The following ATXN7L1 variants were observed in gnomAD, a reference collection of about 807,000 sequenced individuals.
ATXN7L1 encodes the protein ataxin-7-like protein 1.
ATXN7L1 carries 15 observed loss-of-function variants against 70.8 expected under a neutral mutation model. The ratio of observed to expected loss-of-function variants is 0.21; its 90% CI spans 0.14 to 0.33. The LOEUF is 0.33. Among genes scored for constraint, ATXN7L1 ranks in the 10% least tolerant of loss-of-function variants. The pLI, the probability that ATXN7L1 is intolerant of heterozygous loss-of-function variation, is 1.00. For missense variants in ATXN7L1, 975 were observed against 1,097.1 expected (o/e 0.89, Z 1.57); for synonymous variants, 440 against 445.1 (o/e 0.99, Z 0.14).
chr7:105,784,891 T>TG (rs1271757674), intron 3 of ATXN7L1, among the ~76,000 whole-genome samples: 1 of 152,078 alleles, frequency 6.6e-6, no homozygotes, highest in Non-Finnish European at 1.5e-5. Context: ...CCCTGGCAGG[T>TG]GGGGGGTGAA....
At chr7:105,715,916 C>T (rs1563031017) in intron 3 of ATXN7L1, among the ~76,000 whole-genome samples, 1 of 152,146 alleles carries the variant, frequency 6.6e-6, no homozygotes, top group Non-Finnish European at 1.5e-5. Flanking sequence ...TTCACATTTG[C>T]TGTGACTGGA....
intron 3 of ATXN7L1, among the ~76,000 whole-genome samples, chr7:105,724,720 G>C (rs946877331): frequency 6.6e-6 from 1 of 151,892 alleles, no homozygotes; most frequent in Non-Finnish European, 1.5e-5. Context: ...GATCTTCACT[G>C]TTCTTGGGAT....
At chr7:105,729,293 GAATGAATGAATAAATA>G (rs1364808622) in intron 3 of ATXN7L1, among the ~76,000 whole-genome samples, 1 of 130,124 alleles carries the variant, frequency 7.7e-6, no homozygotes, top group Admixed American at 8.0e-5. Context: ...ATGAATGAAT[GAATGAATGAATAAATA>G]AATAAATAAA....
chr7:105,660,851 G>A (rs899010900), intron 4 of ATXN7L1, among the ~76,000 whole-genome samples: 60 of 152,222 alleles, frequency 3.9e-4, no homozygotes, highest in African/African-American at 1.4e-3. Context: ...AAAGTGCTGG[G>A]ATTACAGGTG....
chr7:105,665,339 G>A (rs935631231), intron 3 of ATXN7L1, 51 bp from the exon 4 acceptor site: 8 of 1,417,706 alleles, frequency 5.6e-6, no homozygotes, highest in Non-Finnish European at 7.8e-6. Context: ...AGCAGGTGAG[G>A]CTCCCACACA....
chr7:105,812,468 T>C (rs1345963040), intron 2 of ATXN7L1, among the ~76,000 whole-genome samples: 1 of 152,222 alleles, frequency 6.6e-6, no homozygotes, highest in Non-Finnish European at 1.5e-5. Flanking sequence ...CTTGATTCTA[T>C]CAGTTTCTAA....
intron 3 of ATXN7L1, among the ~76,000 whole-genome samples, chr7:105,727,576 T>G (rs1010152483): frequency 4.1e-5 from 6 of 147,980 alleles, no homozygotes; most frequent in African/African-American, 1.0e-4. Flanking sequence ...GGCTGAGGCA[T>G]GAGAATTGCT....
At chr7:105,789,670 G>A (rs997378260) in intron 2 of ATXN7L1, among the ~76,000 whole-genome samples, 2 of 152,126 alleles carry the variant, frequency 1.3e-5, no homozygotes, top group Non-Finnish European at 2.9e-5. Context: ...CAGAACAGGG[G>A]AAACAGCAGG....
intron 4 of ATXN7L1, among the ~76,000 whole-genome samples, chr7:105,643,650 G>A (rs575969999): frequency 4.7e-4 from 71 of 152,376 alleles, no homozygotes; most frequent in African/African-American, 1.0e-3. Context: ...CGTGCTGCAC[G>A]GCGTGCTGTC....
chr7:105,761,148 T>C (rs1201431832), intron 3 of ATXN7L1: 3 of 1,245,338 alleles, frequency 2.4e-6, no homozygotes, highest in Non-Finnish European at 3.0e-6. Flanking sequence ...AGACCAGCTT[T>C]GTGGTGGTGA....
At chr7:105,645,626 C>T (rs921475663) in intron 4 of ATXN7L1, among the ~76,000 whole-genome samples, 3 of 141,968 alleles carry the variant, frequency 2.1e-5, no homozygotes, top group Non-Finnish European at 4.6e-5. Flanking sequence ...GAAACCCTGT[C>T]TCTGCTAAAA....
chr7:105,760,166 T>C, intron 3 of ATXN7L1: 1 of 977,778 alleles, frequency 1.0e-6, no homozygotes, highest in Non-Finnish European at 1.2e-6. Context: ...ACTGTTAATC[T>C]GTCTGTCCAT....
At chr7:105,854,471 GAAAAAA>G (rs59330079) in intron 2 of ATXN7L1, among the ~76,000 whole-genome samples, 3 of 97,726 alleles carry the variant, frequency 3.1e-5, no homozygotes, top group African/African-American at 1.2e-4. Context: ...AATTAGCTCT[GAAAAAA>G]AAAAAAAAAA....
rs2115736555 is a variant in ATXN7L1, at chr7:105,614,344, T to C, written c.1990A>G (p.Thr664Ala). ...CCTGACAGTGGAGACGAGAGGGATG[T>C]CTGCAAGGAAGAGGAGGAGGAGGAG... ...SSSSSSSSLQTSLSSPLSGPH... is the reference protein window; with the variant it reads ...SSSSSSSSLQASLSSPLSGPH... Residue 664 changes from threonine to alanine, a missense_variant, in exon 10 of 12, where the codon ACA becomes GCA. Around this residue, in one of 5 missense-constraint regions of ATXN7L1, gnomAD observed 635 missense variants for 699.4 expected, o/e 0.91. Coordinates refer to ENST00000419735, the MANE Select transcript of ATXN7L1 (RefSeq NM_020725.2). This position sits in a 1 kb window ranked among gnomAD's most constrained non-coding sequence, Gnocchi z 4.3. 4 of 1,552,314 alleles carry C rather than the reference T, an allele frequency of 2.6e-6. No homozygotes were observed. The highest frequency in any genetic ancestry group is 3.5e-6 in the Non-Finnish European group (4 of 1,147,138).
At chr7:105,727,104 C>T (rs1049066438) in intron 3 of ATXN7L1, among the ~76,000 whole-genome samples, 1 of 151,854 alleles carries the variant, frequency 6.6e-6, no homozygotes, top group Non-Finnish European at 1.5e-5. Flanking sequence ...ATTTTTTTTC[C>T]AGGGTGAGTA....
In ATXN7L1 at chr7:105,665,182, G is replaced by A; in HGVS notation, c.462C>T (p.Gly154=). The A allele has an allele frequency of 6.4e-7, 1 of 1,551,718 alleles. No individual in the cohort carries two copies. Among genetic ancestry groups the A allele is most frequent in the Non-Finnish European group, 8.7e-7 (1 of 1,146,992 alleles). ...TTGAGGTGCTGCTGGCAGAGTGATGGCCGCTGAGACAGGCTTTTGTTTTCA... is the reference window on the plus strand; with the variant it reads ...TTGAGGTGCTGCTGGCAGAGTGATGACCGCTGAGACAGGCTTTTGTTTTCA... ...VQVKTKACLS[G]HHSASSTSKP... is the part of the protein sequence containing the mutation. Residue 154 remains glycine (G), a synonymous_variant, in exon 4 of 12, where the codon GGC becomes GGT. Transcript: ENST00000419735.
intron 3 of ATXN7L1, among the ~76,000 whole-genome samples, chr7:105,733,671 C>T (rs796842158): frequency 1.5e-5 from 2 of 133,800 alleles, no homozygotes; most frequent in Non-Finnish European, 1.6e-5. Flanking sequence ...TCCATCCATC[C>T]ATCCATCCAC....
chr7:105,831,332 A>G (rs945532292), intron 2 of ATXN7L1, among the ~76,000 whole-genome samples: 3 of 152,240 alleles, frequency 2.0e-5, no homozygotes, highest in Admixed American at 6.5e-5. Flanking sequence ...GGTCTCCTAA[A>G]TTGCTCTGGG....
intron 3 of ATXN7L1, among the ~76,000 whole-genome samples, chr7:105,696,990 T>G (rs1791796535): frequency 6.6e-6 from 1 of 152,010 alleles, no homozygotes; most frequent in South Asian, 2.1e-4. Context: ...TTATTAGGGA[T>G]TTTCAAAAGG....
Sources: gnomAD v4.1 joint callset for allele counts (sites outside exome capture counted in the v4.1 genomes callset) on GRCh38, gnomAD v4.1.1 for gene constraint, gnomAD v4.1.1 regional missense constraint, Gnocchi (gnomAD v3.1) non-coding constraint, MANE v1.5 for transcripts, NCBI Gene and HGNC (gene_info 2026-07-23, HGNC 2026-07-21) for gene names.